The following GPC5 variants were observed in gnomAD, a reference collection of about 807,000 sequenced individuals.
The protein encoded by GPC5 is glypican-5.
Under a neutral mutation model 53.9 loss-of-function variants are expected in GPC5, and 47 were observed. That is an observed-to-expected ratio of 0.87 (90% CI 0.69 to 1.11). The LOEUF is 1.11. Among genes scored for constraint, GPC5 ranks in the 50% most tolerant of loss-of-function variants. The probability of loss-of-function intolerance (pLI) is 0.00; values close to 1 mark genes in which losing one functional copy is unlikely to be tolerated. For synonymous variants in GPC5, 286 were observed against 263.3 expected (o/e 1.09, Z -0.84); for missense variants, 748 against 713.1 (o/e 1.05, Z -0.56).
At chr13:91,608,545 C>G (rs76058562) in intron 2 of GPC5, among the ~76,000 whole-genome samples, 4,295 of 152,176 alleles carry the variant, frequency 0.028, 70 homozygotes, top group Middle Eastern at 0.051. Context: ...TTATTTGTCC[C>G]TTATGGGTGC....
At chr13:91,783,753 C>T (rs1272979529) in intron 5 of GPC5, among the ~76,000 whole-genome samples, 1 of 152,012 alleles carries the variant, frequency 6.6e-6, no homozygotes, top group Non-Finnish European at 1.5e-5. Context: ...TTTTTTTAAT[C>T]AGAAAATACA....
intron 7 of GPC5, among the ~76,000 whole-genome samples, chr13:92,454,790 A>G (rs1238348449): frequency 6.6e-6 from 1 of 152,144 alleles, no homozygotes; most frequent in Non-Finnish European, 1.5e-5. Context: ...TCATTTTTCT[A>G]AACTCATCCT....
At chr13:91,620,770 A>AG (rs1441405927) in intron 2 of GPC5, among the ~76,000 whole-genome samples, 10 of 152,132 alleles carry the variant, frequency 6.6e-5, no homozygotes, top group African/African-American at 2.4e-4. Context: ...ATGCCGATGA[A>AG]CTTGGTCTGG....
intron 3 of GPC5, chr13:91,724,945 A>C (rs1397005489): frequency 1.3e-5 from 2 of 152,234 alleles, no homozygotes; most frequent in Non-Finnish European, 2.9e-5. Context: ...GTTATTCTTT[A>C]CAAAGTTTTT....
At chr13:92,330,282 T>C (rs975351373) in intron 7 of GPC5, among the ~76,000 whole-genome samples, 1 of 152,182 alleles carries the variant, frequency 6.6e-6, no homozygotes, top group Non-Finnish European at 1.5e-5. Context: ...AGTTCTGTTA[T>C]TACCTCTGTT....
intron 7 of GPC5, among the ~76,000 whole-genome samples, chr13:92,831,690 C>T (rs1878049758): frequency 6.6e-6 from 1 of 152,172 alleles, no homozygotes; most frequent in East Asian, 1.9e-4. Context: ...ACAAAGATGT[C>T]TGACTTCAGG....
chr13:91,399,502 T>A (rs1022771852), intron 1 of GPC5, among the ~76,000 whole-genome samples: 3 of 152,126 alleles, frequency 2.0e-5, no homozygotes, highest in Non-Finnish European at 4.4e-5. Context: ...AAAGCAGACA[T>A]CAGGGCGTGG....
intron 5 of GPC5, among the ~76,000 whole-genome samples, chr13:91,811,746 A>T (rs1035694795): frequency 1.3e-5 from 2 of 152,220 alleles, no homozygotes; most frequent in African/African-American, 4.8e-5. Context: ...AAACAAAGTC[A>T]TTATAACTAT....
intron 7 of GPC5, among the ~76,000 whole-genome samples, chr13:92,618,185 C>A (rs1884759616): frequency 6.6e-6 from 1 of 152,064 alleles, no homozygotes; most frequent in Non-Finnish European, 1.5e-5. Context: ...TCTTGGATAT[C>A]TTAAGTACAT....
chr13:92,635,024 T>A (rs573265665), intron 7 of GPC5, among the ~76,000 whole-genome samples: 1 of 152,074 alleles, frequency 6.6e-6, no homozygotes, highest in East Asian at 1.9e-4. Context: ...CTTAAATATT[T>A]TAAAATATTT....
At chr13:91,694,259 A>C (rs2035831852) in intron 3 of GPC5, among the ~76,000 whole-genome samples, 1 of 152,196 alleles carries the variant, frequency 6.6e-6, no homozygotes, top group Non-Finnish European at 1.5e-5. Flanking sequence ...TTTTTTGGGA[A>C]TATAGGCATT....
rs2032117946 is a variant in GPC5, at chr13:91,575,992, AT to A, written c.326-117192del. Reference sequence around the variant, plus strand: ...TAATACAGTAATTTTGGCAACATTTATTTAGCATGAAAACCGATAATGTCAG... The same window carrying A: ...TAATACAGTAATTTTGGCAACATTTATTAGCATGAAAACCGATAATGTCAG... On this transcript the variant is annotated intron_variant, in intron 2 of 7. Coordinates refer to ENST00000377067, the MANE Select transcript of GPC5 (RefSeq NM_004466.6). Among the ~76,000 whole-genome samples, 3 of 152,270 alleles carry A rather than the reference AT, an allele frequency of 2.0e-5. No homozygotes were observed. The South Asian group carries it at 6.2e-4, about 32-fold the overall frequency.
intron 7 of GPC5, among the ~76,000 whole-genome samples, chr13:92,585,135 G>A (rs1044623557): frequency 2.0e-5 from 3 of 152,050 alleles, no homozygotes; most frequent in Non-Finnish European, 2.9e-5. Flanking sequence ...TGAGAAGAGG[G>A]CCACTATCCT....
At chr13:91,965,135 T>C (rs142668876) in intron 6 of GPC5, among the ~76,000 whole-genome samples, 2,837 of 150,552 alleles carry the variant, frequency 0.019, 86 homozygotes, top group African/African-American at 0.066. Flanking sequence ...CTAATGTAAA[T>C]GAGGAGTTAA....
intron 7 of GPC5, among the ~76,000 whole-genome samples, chr13:92,602,207 TTACA>T (rs1884083669): frequency 8.8e-6 from 1 of 113,336 alleles, no homozygotes; most frequent in Non-Finnish European, 1.8e-5. Flanking sequence ...AATATATATA[TTACA>T]TATATATAAA....
At chr13:91,980,675 T>C (rs975864968) in intron 6 of GPC5, among the ~76,000 whole-genome samples, 5 of 152,202 alleles carry the variant, frequency 3.3e-5, no homozygotes, top group African/African-American at 1.2e-4. Flanking sequence ...AAGTGCACAA[T>C]TAAGTATATA....
At chr13:92,695,242 C>G (rs1887523977) in intron 7 of GPC5, among the ~76,000 whole-genome samples, 1 of 152,094 alleles carries the variant, frequency 6.6e-6, no homozygotes, top group Admixed American at 6.6e-5. Context: ...ACTGTTTGTT[C>G]ATATTTTTTG....
intron 4 of GPC5, among the ~76,000 whole-genome samples, chr13:91,739,999 A>G (rs1182436181): frequency 6.7e-6 from 1 of 150,182 alleles, no homozygotes; most frequent in Non-Finnish European, 1.5e-5. Context: ...CCTTGCTTCA[A>G]GGTGTGGGAC....
intron 6 of GPC5, among the ~76,000 whole-genome samples, chr13:92,115,422 CT>C (rs2041592519): frequency 6.6e-6 from 1 of 152,130 alleles, no homozygotes; most frequent in Non-Finnish European, 1.5e-5. Context: ...AGGAGAGTTG[CT>C]TGAACACGGG....
Sources: allele counts gnomAD v4.1 joint callset (sites outside exome capture counted in the v4.1 genomes callset), GRCh38; gene constraint gnomAD v4.1.1; transcripts MANE v1.5; gene names NCBI Gene and HGNC (gene_info 2026-07-23, HGNC 2026-07-21).